The following DMRTA1 variants were observed in gnomAD, a reference collection of about 807,000 sequenced individuals.
The protein encoded by DMRTA1 is doublesex- and mab-3-related transcription factor A1.
In DMRTA1, 34 loss-of-function variants were observed where a neutral mutation model predicts 35.2. The ratio of observed to expected loss-of-function variants is 0.97; its 90% CI spans 0.74 to 1.29. The LOEUF (loss-of-function observed/expected upper bound fraction) is 1.29, where lower values mean the gene tolerates loss of function less well. Among genes scored for constraint, DMRTA1 ranks in the 50% most tolerant of loss-of-function variants. The pLI, the probability that DMRTA1 is intolerant of heterozygous loss-of-function variation, is 0.00. For synonymous variants in DMRTA1, 344 were observed against 276.6 expected (o/e 1.24, Z -2.42); for missense variants, 824 against 644.6 (o/e 1.28, Z -3.01).
Position 22,451,440 on chromosome 9 carries a change from T to C in DMRTA1, c.1044T>C (p.Ile348=). 1 of 1,614,210 alleles carries C rather than the reference T, an allele frequency of 6.2e-7. No individual in the cohort carries two copies. Among genetic ancestry groups the C allele is most frequent in the Non-Finnish European group, 8.5e-7 (1 of 1,180,008 alleles). Residue 348 remains isoleucine, a synonymous_variant, in exon 2 of 2, where the codon ATT becomes ATC. Coordinates refer to ENST00000325870, the MANE Select transcript of DMRTA1 (RefSeq NM_022160.3). ...PNYRRSRLEG[I]LRFCKGDVVQ... The stretch of plus-strand genomic sequence containing the variant: ...ACAGGCGCAGCCGGCTAGAAGGCAT[T>C]CTACGGTTCTGCAAAGGGGATGTGG...
chr9:22,452,279 C>A lies in DMRTA1; in HGVS notation c.*368C>A. 5.5e-6 allele frequency: 1 copy of A among 181,226 alleles called. No individual in the cohort carries two copies. The allele number at this position is 181,226 out of a possible 1,614,324, so 11.2% of individuals were successfully genotyped here. On this transcript the variant is annotated 3_prime_UTR_variant, in exon 2 of 2. Transcript: ENST00000325870. Reference sequence around the variant, plus strand: ...ATAAAATACATTTGTAAGTGTAAAGCAATACAGCATAATAGAATAGAATAT... The same window carrying A: ...ATAAAATACATTTGTAAGTGTAAAGAAATACAGCATAATAGAATAGAATAT...
In DMRTA1 at chr9:22,454,873, A is replaced by T. The variant is rs544969609; in HGVS notation, c.*2962A>T. On this transcript the variant is annotated 3_prime_UTR_variant, in exon 2 of 2. Transcript: ENST00000325870. ...AACTCATTGAAAAATGCATGTAGAAAATACCAATCAGAGCCTGATTGATGG... is the reference window on the plus strand; with the variant it reads ...AACTCATTGAAAAATGCATGTAGAATATACCAATCAGAGCCTGATTGATGG... 1 of 152,266 alleles carries T rather than the reference A, an allele frequency of 6.6e-6. No homozygotes were observed. The highest frequency in any genetic ancestry group is 1.9e-4 in the East Asian group (1 of 5,172). The allele number at this position is 152,266 out of a possible 1,614,324, so 9.4% of individuals were successfully genotyped here. A position where few individuals can be genotyped will look rare whatever the true frequency, so the allele number is the denominator to read the frequency against.
rs1209917198 is a variant in DMRTA1, at chr9:22,452,436, T to C, written c.*525T>C. 4 of 152,314 alleles carry C rather than the reference T, an allele frequency of 2.6e-5. No homozygotes were observed. The highest frequency in any genetic ancestry group is 9.6e-5 in the African/African-American group (4 of 41,470). The allele number at this position is 152,314 out of a possible 1,614,324, so 9.4% of individuals were successfully genotyped here. On this transcript the variant is annotated 3_prime_UTR_variant, in exon 2 of 2. Coordinates refer to ENST00000325870, the MANE Select transcript of DMRTA1 (RefSeq NM_022160.3). ...ATTTTTAAAGCATTTGATTTGCAGATGGGTGATTCGTAATAAATAAAACAT... is the reference window on the plus strand; with the variant it reads ...ATTTTTAAAGCATTTGATTTGCAGACGGGTGATTCGTAATAAATAAAACAT...
At position 22,454,874 on chromosome 9, in the gene DMRTA1, A is replaced by C. The variant is rs1277923340; in HGVS notation, c.*2963A>C. The C allele has an allele frequency of 6.6e-6, 1 of 152,142 alleles. No individual in the cohort carries two copies. Among genetic ancestry groups the C allele is most frequent in the Non-Finnish European group, 1.5e-5 (1 of 68,002 alleles). 9.4% of individuals were successfully genotyped at this position (152,142 alleles called of 1,614,324 possible). ...ACTCATTGAAAAATGCATGTAGAAA[A>C]TACCAATCAGAGCCTGATTGATGGG... On this transcript the variant is annotated 3_prime_UTR_variant, in exon 2 of 2. Transcript: ENST00000325870.
At position 22,447,494 on chromosome 9, in the gene DMRTA1, C is replaced by A. The variant is rs1360418371; in HGVS notation, c.429C>A (p.Arg143=). The change falls in exon 1 of 2, where the codon CGC becomes CGA. Residue 143 remains arginine, a synonymous_variant. Coordinates refer to ENST00000325870, the MANE Select transcript of DMRTA1 (RefSeq NM_022160.3). ...QRVMAAQVAL[R]RQQAQEESEA... ...TCATGGCCGCCCAGGTGGCGCTGCG[C>A]AGGCAGCAGGCGCAGGAGGAGAGCG... 6.4e-7 allele frequency: 1 copy of A among 1,562,458 alleles called. No individual in the cohort carries two copies. The highest frequency in any genetic ancestry group is 1.9e-5 in the Admixed American group (1 of 53,986).
Position 22,446,956 on chromosome 9 carries a change from G to C in DMRTA1, c.-110G>C, listed in dbSNP as rs943371498. 6 of 1,385,666 alleles carry C rather than the reference G, an allele frequency of 4.3e-6. No homozygotes were observed. In the African/African-American group the frequency reaches 6.0e-5, roughly 14 times the overall value. The allele number at this position is 1,385,666 out of a possible 1,614,324, so 85.8% of individuals were successfully genotyped here. On this transcript the variant is annotated 5_prime_UTR_variant, in exon 1 of 2. Transcript: ENST00000325870. ...AAACTTTTGTCCGTGCGCGGGTGGAGCTCAGTAGGACCACGGCGCGTCCTG... is the reference window on the plus strand; with the variant it reads ...AAACTTTTGTCCGTGCGCGGGTGGACCTCAGTAGGACCACGGCGCGTCCTG...
rs1353655157 is a variant in DMRTA1, at chr9:22,451,564, G to A, written c.1168G>A (p.Ala390Thr). 6.2e-7 allele frequency: 1 copy of A among 1,614,178 alleles called. No homozygotes were observed. Among genetic ancestry groups the A allele is most frequent in the South Asian group, 1.1e-5 (1 of 91,090 alleles). The change falls in exon 2 of 2, where the codon GCT becomes ACT. Residue 390 changes from alanine to threonine, a missense_variant. Ala to Thr is a moderately conservative substitution (Grantham distance 58). Transcript: ENST00000325870. ...ACTGGAAAACACAGCCTTTCAGAGA[G>A]CTTCAAGTTTTAGTCTTGCTGGAAT... ...EELENTAFQR[A>T]SSFSLAGIGF... is the part of the protein sequence containing the mutation.
rs1279653659 is a variant in DMRTA1 at position 22,446,835 on chromosome 9, C to T, written c.-231C>T. On this transcript the variant is annotated 5_prime_UTR_variant, in exon 1 of 2. Transcript: ENST00000325870. ...GGCACAAAGGCATTAACTTAGCGCC[C>T]GGGGTCTCTGCCAGGCTCACGGGAC... is the stretch of plus-strand genomic sequence containing the variant. The T allele has an allele frequency of 3.7e-6, 2 of 541,948 alleles. No homozygotes were observed. The highest frequency in any genetic ancestry group is 6.3e-6 in the Non-Finnish European group (2 of 318,386). 33.6% of individuals were successfully genotyped at this position (541,948 alleles called of 1,614,324 possible).
chr9:22,450,992 T>A, intron 1 of DMRTA1, 72 bp from the exon 2 acceptor site: 1 of 1,445,062 alleles, frequency 6.9e-7, no homozygotes, highest in East Asian at 2.3e-5. Flanking sequence ...TCCAGCATTA[T>A]TTTTGAGTGA....
rs766457846 is a variant in DMRTA1, at chr9:22,451,173, G to A, written c.777G>A (p.Gly259=). ...GSSSRSNGVI[G]KQSIGSSISE... is the part of the protein sequence containing the mutation. ...CTTCTAGGTCTAATGGTGTCATTGG[G>A]AAACAAAGTATCGGGTCATCTATTT... is the stretch of plus-strand genomic sequence containing the variant. The change falls in exon 2 of 2, where the codon GGG becomes GGA. Residue 259 remains glycine, a synonymous_variant. Transcript: ENST00000325870. 17 of 1,613,960 alleles carry A rather than the reference G, an allele frequency of 1.1e-5. No individual in the cohort carries two copies. In the East Asian group the frequency reaches 2.2e-4, roughly 21 times the overall value.
Position 22,451,818 on chromosome 9 carries a change from T to C in DMRTA1, c.1422T>C (p.Phe474=), listed in dbSNP as rs773721294. The change falls in exon 2 of 2, where the codon TTT becomes TTC. Residue 474 remains phenylalanine, a synonymous_variant. Transcript: ENST00000325870. The part of the protein sequence containing the change: ...LPFRPALDYA[F]SGMIRDSSYL... The stretch of plus-strand genomic sequence containing the variant: ...TTCGGCCAGCTTTGGATTATGCCTT[T>C]TCAGGGATGATTAGAGATTCTTCCT... 1 of 1,613,968 alleles carries C rather than the reference T, an allele frequency of 6.2e-7. No homozygotes were observed. Among genetic ancestry groups the C allele is most frequent in the African/African-American group, 1.3e-5 (1 of 74,924 alleles).
At position 22,455,397 on chromosome 9, in the gene DMRTA1, C is replaced by A. The variant is rs1027880863; in HGVS notation, c.*3486C>A. On this transcript the variant is annotated 3_prime_UTR_variant, in exon 2 of 2. Transcript: ENST00000325870. ...AACAAGGGTAATAATATTTAACTTG[C>A]AAGATTCGTGGAGATAAAAGCTTAA... 1 of 152,108 alleles carries A rather than the reference C, an allele frequency of 6.6e-6. No homozygotes were observed. The highest frequency in any genetic ancestry group is 2.4e-5 in the African/African-American group (1 of 41,404). 9.4% of individuals were successfully genotyped at this position (152,108 alleles called of 1,614,324 possible).
Position 22,451,674 on chromosome 9 carries a change from C to T in DMRTA1, c.1278C>T (p.Tyr426=), listed in dbSNP as rs369593156. Residue 426 remains tyrosine, a synonymous_variant, in exon 2 of 2, where the codon TAC becomes TAT. Coordinates refer to ENST00000325870, the MANE Select transcript of DMRTA1 (RefSeq NM_022160.3). The part of the protein sequence containing the change: ...SASYGGDSSL[Y]GVNPRVGISP... ...CTTATGGAGGTGATTCAAGTCTCTA[C>T]GGCGTAAATCCTAGAGTAGGTATCA... 38 of 1,613,974 alleles carry T rather than the reference C, an allele frequency of 2.4e-5. No homozygotes were observed. The highest frequency in any genetic ancestry group is 2.0e-4 in the East Asian group (9 of 44,900).
chr9:22,448,989 C>G (rs1440006913), intron 1 of DMRTA1, among the ~76,000 whole-genome samples: 1 of 152,120 alleles, frequency 6.6e-6, no homozygotes, highest in Non-Finnish European at 1.5e-5. Context: ...GAAACTACAC[C>G]GATAGTGAAA....
In DMRTA1 at chr9:22,451,558, C is replaced by A. The variant is rs760432570; in HGVS notation, c.1162C>A (p.Gln388Lys). Reference sequence around the variant, plus strand: ...AGAAGAACTGGAAAACACAGCCTTTCAGAGAGCTTCAAGTTTTAGTCTTGC... The same window carrying A: ...AGAAGAACTGGAAAACACAGCCTTTAAGAGAGCTTCAAGTTTTAGTCTTGC... ...NSEELENTAF[Q>K]RASSFSLAGI... Residue 388 changes from glutamine to lysine, a missense_variant, in exon 2 of 2, where the codon CAG becomes AAG. Transcript: ENST00000325870. The A allele has an allele frequency of 1.2e-6, 2 of 1,614,130 alleles. No individual in the cohort carries two copies. Among genetic ancestry groups the A allele is most frequent in the East Asian group, 4.5e-5 (2 of 44,894 alleles).
At position 22,446,858 on chromosome 9, in the gene DMRTA1, G is replaced by C; in HGVS notation, c.-208G>C. The C allele has an allele frequency of 1.7e-6, 1 of 600,116 alleles. No individual in the cohort carries two copies. Among genetic ancestry groups the C allele is most frequent in the Non-Finnish European group, 2.8e-6 (1 of 360,774 alleles). The allele number at this position is 600,116 out of a possible 1,614,324, so 37.2% of individuals were successfully genotyped here. A position where few individuals can be genotyped will look rare whatever the true frequency, so the allele number is the denominator to read the frequency against. On this transcript the variant is annotated 5_prime_UTR_variant, in exon 1 of 2. Coordinates refer to ENST00000325870, the MANE Select transcript of DMRTA1 (RefSeq NM_022160.3). Reference sequence around the variant, plus strand: ...CCCGGGGTCTCTGCCAGGCTCACGGGACAGCTGCACCTCTCAGCGTCTCCA... The same window carrying C: ...CCCGGGGTCTCTGCCAGGCTCACGGCACAGCTGCACCTCTCAGCGTCTCCA...
At position 22,451,233 on chromosome 9, in the gene DMRTA1, T is replaced by A. The variant is rs962865767; in HGVS notation, c.837T>A (p.Ser279=). ...CCAACAAGCCTGATAGTATCCTGTC[T>A]CCTCATCCTGGAGAGCAATCAGGAG... The part of the protein sequence containing the change: ...EYSNKPDSIL[S]PHPGEQSGGE... Residue 279 remains serine, a synonymous_variant, in exon 2 of 2, where the codon TCT becomes TCA. Transcript: ENST00000325870. 3 of 1,613,980 alleles carry A rather than the reference T, an allele frequency of 1.9e-6. No homozygotes were observed. The highest frequency in any genetic ancestry group is 2.5e-6 in the Non-Finnish European group (3 of 1,179,980).
chr9:22,454,721 G>A lies in DMRTA1; in HGVS notation c.*2810G>A, dbSNP rs1818979180. Reference sequence around the variant, plus strand: ...AACAAAAATGAATTGGGTTTATTCTGTATCATATAGAGGGCCTAAGAGGCA... The same window carrying A: ...AACAAAAATGAATTGGGTTTATTCTATATCATATAGAGGGCCTAAGAGGCA... On this transcript the variant is annotated 3_prime_UTR_variant, in exon 2 of 2. Coordinates refer to ENST00000325870, the MANE Select transcript of DMRTA1 (RefSeq NM_022160.3). 6.6e-6 allele frequency: 1 copy of A among 152,146 alleles called. No individual in the cohort carries two copies. Among genetic ancestry groups the A allele is most frequent in the Admixed American group, 6.6e-5 (1 of 15,264 alleles). The allele number at this position is 152,146 out of a possible 1,614,324, so 9.4% of individuals were successfully genotyped here.
In DMRTA1 at chr9:22,447,479, C is replaced by T. The variant is rs374668199; in HGVS notation, c.414C>T (p.Ala138=). 2 of 1,557,676 alleles carry T rather than the reference C, an allele frequency of 1.3e-6. No homozygotes were observed. Among genetic ancestry groups the T allele is most frequent in the East Asian group, 2.4e-5 (1 of 41,314 alleles). Reference sequence around the variant, plus strand: ...CCGAGCGCCAGCGCGTCATGGCCGCCCAGGTGGCGCTGCGCAGGCAGCAGG... The same window carrying T: ...CCGAGCGCCAGCGCGTCATGGCCGCTCAGGTGGCGCTGCGCAGGCAGCAGG... ...LIAERQRVMA[A]QVALRRQQAQ... The change falls in exon 1 of 2, where the codon GCC becomes GCT. Residue 138 remains alanine (A), a synonymous_variant. Transcript: ENST00000325870.
Sources: allele counts gnomAD v4.1 joint callset (sites outside exome capture counted in the v4.1 genomes callset), GRCh38; gene constraint gnomAD v4.1.1; transcripts MANE v1.5; gene names NCBI Gene and HGNC (gene_info 2026-07-23, HGNC 2026-07-21).